LRRN3: variants seen among roughly 807,000 people sequenced by gnomAD.
The protein encoded by LRRN3 is leucine rich repeat neuronal 3.
Under a neutral mutation model 40.1 loss-of-function variants are expected in LRRN3, and 15 were observed. The ratio of observed to expected loss-of-function variants is 0.37; its 90% CI spans 0.25 to 0.58. LRRN3 has a LOEUF of 0.58. Ranked by LOEUF, LRRN3 falls within the 20% of genes least tolerant of loss-of-function variation. LRRN3 has a pLI of 0.72. For missense variants in LRRN3, 746 were observed against 837.7 expected, an observed-to-expected ratio of 0.89 and a Z score of 1.35; for synonymous variants, 308 against 297.2, an observed-to-expected ratio of 1.04 and a Z score of -0.37.
At chr7:111,117,411 C>T (rs148691401) in intron 2 of LRRN3, among the ~76,000 whole-genome samples, 2 of 152,122 alleles carry the variant, frequency 1.3e-5, no homozygotes, top group Admixed American at 1.3e-4. Context: ...TCCAGTAAAC[C>T]TGGCCCATGT....
intron 2 of LRRN3, among the ~76,000 whole-genome samples, chr7:111,115,825 C>T (rs1799816321): frequency 6.6e-6 from 1 of 151,858 alleles, no homozygotes; most frequent in Non-Finnish European, 1.5e-5. Flanking sequence ...GCACCACCAA[C>T]TCTAGCACAC....
In LRRN3 at chr7:111,124,426, G is replaced by A. The variant is rs907590690; in HGVS notation, c.1654G>A (p.Val552Ile). 2 of 1,613,832 alleles carry A rather than the reference G, an allele frequency of 1.2e-6. No homozygotes were observed. Among genetic ancestry groups the A allele is most frequent in the African/African-American group, 2.7e-5 (2 of 75,026 alleles). ...KASSKILKSS[V>I]KWTAFVKTEN... ...AAGTTCTAAAATTCTCAAATCTAGT[G>A]TTAAATGGACAGCCTTTGTCAAGAC... Residue 552 changes from valine (V) to isoleucine (I), a missense_variant, in exon 3 of 3, where the codon GTT (valine) becomes ATT (isoleucine). Physicochemically the swap from Val to Ile is conservative, Grantham distance 29. Coordinates refer to ENST00000308478, the MANE Select transcript of LRRN3 (RefSeq NM_001099658.2).
At chr7:111,097,593 C>CA (rs1244728822) in intron 1 of LRRN3, among the ~76,000 whole-genome samples, 1 of 151,200 alleles carries the variant, frequency 6.6e-6, no homozygotes, top group African/African-American at 2.4e-5. Flanking sequence ...GGAAAAAAAA[C>CA]AAAAAAATGT....
intron 2 of LRRN3, among the ~76,000 whole-genome samples, chr7:111,119,555 G>T (rs1800330018): frequency 6.6e-6 from 1 of 152,022 alleles, no homozygotes; most frequent in Admixed American, 6.6e-5. Context: ...TTTAATCTCT[G>T]GATTTTAGTA....
intron 2 of LRRN3, among the ~76,000 whole-genome samples, chr7:111,110,206 C>A (rs1199505627): frequency 1.3e-5 from 2 of 152,146 alleles, no homozygotes; most frequent in Non-Finnish European, 2.9e-5. Context: ...AAGATCCTAT[C>A]TGTTCATGGA....
intron 2 of LRRN3, among the ~76,000 whole-genome samples, chr7:111,113,422 A>G (rs1799477226): frequency 1.3e-5 from 2 of 151,974 alleles, no homozygotes; most frequent in Admixed American, 1.3e-4. Context: ...ATGTCCTCCC[A>G]TGTATAAGGC....
chr7:111,124,120 C>A lies in LRRN3; in HGVS notation c.1348C>A (p.Pro450Thr). Residue 450 changes from proline to threonine, a missense_variant, in exon 3 of 3, where the codon CCA (proline) becomes ACA (threonine). Coordinates refer to ENST00000308478, the MANE Select transcript of LRRN3 (RefSeq NM_001099658.2). Reference sequence around the variant, plus strand: ...CTTTCACTGTAGAGCTACTGCAGAACCACAGCCTGAAATCTACTGGATAAC... The same window carrying A: ...CTTTCACTGTAGAGCTACTGCAGAAACACAGCCTGAAATCTACTGGATAAC... ...VSFHCRATAE[P>T]QPEIYWITPS... The A allele has an allele frequency of 6.2e-7, 1 of 1,614,016 alleles. No homozygotes were observed. Among genetic ancestry groups the A allele is most frequent in the East Asian group, 2.2e-5 (1 of 44,876 alleles).
chr7:111,102,805 C>G (rs1798119055), intron 2 of LRRN3, among the ~76,000 whole-genome samples: 1 of 151,512 alleles, frequency 6.6e-6, no homozygotes, highest in Non-Finnish European at 1.5e-5. Context: ...TTCACTAATC[C>G]TCTTTGCTAG....
intron 2 of LRRN3, among the ~76,000 whole-genome samples, chr7:111,114,735 T>A (rs750327550): frequency 5.0e-5 from 6 of 120,530 alleles, no homozygotes; most frequent in Non-Finnish European, 8.0e-5. Context: ...CGAGACTCCA[T>A]CTCAAAAAAA....
At chr7:111,100,429 T>C (rs540487352) in intron 2 of LRRN3, among the ~76,000 whole-genome samples, 6 of 148,064 alleles carry the variant, frequency 4.1e-5, no homozygotes, top group Admixed American at 6.8e-5. Context: ...TAATAAAATA[T>C]ATGTAATGAA....
intron 2 of LRRN3, among the ~76,000 whole-genome samples, chr7:111,119,410 T>C (rs1180187637): frequency 6.6e-6 from 1 of 152,224 alleles, no homozygotes; most frequent in Non-Finnish European, 1.5e-5. Flanking sequence ...CTGTTTTCCC[T>C]CTAGCTATTA....
At chr7:111,098,680 T>C (rs1234949244) in intron 1 of LRRN3, among the ~76,000 whole-genome samples, 1 of 151,708 alleles carries the variant, frequency 6.6e-6, no homozygotes, top group African/African-American at 2.4e-5. Flanking sequence ...TTAATCTTCA[T>C]AACGACCGTA....
At chr7:111,107,276 T>A (rs1164396543) in intron 2 of LRRN3, among the ~76,000 whole-genome samples, 1 of 152,052 alleles carries the variant, frequency 6.6e-6, no homozygotes, top group Non-Finnish European at 1.5e-5. Flanking sequence ...TAAAGTCTAA[T>A]AATTTAAATT....
chr7:111,121,208 T>C (rs887287439), intron 2 of LRRN3, among the ~76,000 whole-genome samples: 3 of 152,046 alleles, frequency 2.0e-5, no homozygotes, highest in Non-Finnish European at 4.4e-5. Context: ...GGGTTGTTTG[T>C]TTTTTTCTTG....
chr7:111,122,866 T>A lies in LRRN3; in HGVS notation c.94T>A (p.Leu32Ile). 6.2e-7 allele frequency: 1 copy of A among 1,613,944 alleles called. No individual in the cohort carries two copies. Among genetic ancestry groups the A allele is most frequent in the Non-Finnish European group, 8.5e-7 (1 of 1,179,898 alleles). ...AGATAAAAAAGTGGATTGTCCACGG[T>A]TATGTACGTGTGAAATCAGGCCTTG... Reference protein sequence around the residue: ...AVDKKVDCPRLCTCEIRPWFT... With the variant: ...AVDKKVDCPRICTCEIRPWFT... Residue 32 changes from leucine (L) to isoleucine (I), a missense_variant, in exon 3 of 3, where the codon TTA becomes ATA. Transcript: ENST00000308478.
chr7:111,103,784 C>T (rs1798240649), intron 2 of LRRN3, among the ~76,000 whole-genome samples: 1 of 151,508 alleles, frequency 6.6e-6, no homozygotes, highest in Non-Finnish European at 1.5e-5. Flanking sequence ...ATTTAATTTT[C>T]ACAACATTCC....
At chr7:111,114,482 A>G (rs985475166) in intron 2 of LRRN3, among the ~76,000 whole-genome samples, 1 of 152,186 alleles carries the variant, frequency 6.6e-6, no homozygotes, top group African/African-American at 2.4e-5. Flanking sequence ...CCACACCTGT[A>G]ATCCCAGCAC....
At chr7:111,120,929 C>A (rs912462081) in intron 2 of LRRN3, among the ~76,000 whole-genome samples, 5 of 147,216 alleles carry the variant, frequency 3.4e-5, no homozygotes, top group Non-Finnish European at 7.4e-5. Flanking sequence ...TGTTGCCTCT[C>A]TAACAGGCAA....
intron 2 of LRRN3, among the ~76,000 whole-genome samples, chr7:111,120,729 G>C (rs1586410403): frequency 6.6e-6 from 1 of 152,258 alleles, no homozygotes; most frequent in East Asian, 1.9e-4. Flanking sequence ...CAAAACTCAA[G>C]TCACTTTATG....
Sources: gnomAD v4.1 joint callset for allele counts (sites outside exome capture counted in the v4.1 genomes callset) on GRCh38, gnomAD v4.1.1 for gene constraint, MANE v1.5 for transcripts, NCBI Gene and HGNC (gene_info 2026-07-23, HGNC 2026-07-21) for gene names.